Variants in C14orf39 observed in about 807,000 individuals in gnomAD.
C14orf39 encodes chromosome 14 open reading frame 39.
C14orf39 carries 66 observed loss-of-function variants against 85.6 expected under a neutral mutation model. The observed-to-expected ratio is 0.77, with a 90% CI of 0.63 to 0.95. The LOEUF is 0.95. Ranked by LOEUF, C14orf39 falls within the 40% of genes least tolerant of loss-of-function variation. The pLI, the probability that C14orf39 is intolerant of heterozygous loss-of-function variation, is 0.00. For synonymous variants in C14orf39, 242 were observed against 214.0 expected (o/e 1.13, Z -1.14); for missense variants, 735 against 663.9 (o/e 1.11, Z -1.18).
upstream of C14orf39, among the ~76,000 whole-genome samples, chr14:60,488,629 A>C (rs1272762710): frequency 6.6e-6 from 1 of 152,192 alleles, no homozygotes. Context: ...TTCTAATTGC[A>C]CGGTATTCCT....
At chr14:60,495,915 G>C (rs1255602452) in intron 2 of C14orf39, 6 of 432,506 alleles carry the variant, frequency 1.4e-5, no homozygotes, top group African/African-American at 1.2e-4. Flanking sequence ...ACAGAGTCCA[G>C]GGTGTGAGGT....
chr14:60,484,911 T>C lies in C14orf39; in HGVS notation c.76A>G (p.Thr26Ala), dbSNP rs775582474. The change falls in exon 3 of 18, where the codon ACT becomes GCT. Residue 26 changes from threonine to alanine, a missense_variant. By Grantham distance (58) the Thr-to-Ala change is moderately conservative. Transcript: ENST00000321731. The surrounding 1 kb of genome is among the most constrained non-coding windows in gnomAD (Gnocchi z 4.2). ...ATTCTTTGAATCATCTCTTCTTTAG[T>C]ACTTATGTCTTGCTCATACTGGAAG... ...FVFQYEQDIS[T>A]KEEMIQRINK... 1 of 1,569,986 alleles carries C rather than the reference T, an allele frequency of 6.4e-7. No individual in the cohort carries two copies. The highest frequency in any genetic ancestry group is 1.2e-5 in the South Asian group (1 of 85,684).
chr14:60,491,930 A>G lies in C14orf39; in HGVS notation c.-8-6844T>C, dbSNP rs1892995652. The stretch of plus-strand genomic sequence containing the variant: ...TACATTTTATTGGAAAAAATTCAAA[A>G]TTTATTTTTCAACAGACAGCATCAC... On this transcript the variant is annotated intron_variant, in intron 2 of 5. Coordinates refer to the C14orf39 transcript ENST00000556799. This position sits in a 1 kb window ranked among gnomAD's most constrained non-coding sequence, Gnocchi z 4.5. Among the ~76,000 whole-genome samples, 2 of 152,154 alleles carry G rather than the reference A, an allele frequency of 1.3e-5. No homozygotes were observed. The highest frequency in any genetic ancestry group is 6.5e-5 in the Admixed American group (1 of 15,280).
At position 60,484,921 on chromosome 14, in the gene C14orf39, T is replaced by C. The variant is rs1467818768; in HGVS notation, c.66A>G (p.Gln22=). The C allele has an allele frequency of 6.4e-7, 1 of 1,572,426 alleles. No homozygotes were observed. Among genetic ancestry groups the C allele is most frequent in the Non-Finnish European group, 8.7e-7 (1 of 1,156,022 alleles). Residue 22 remains glutamine (Q), a synonymous_variant, in exon 3 of 18, where the codon CAA becomes CAG. Coordinates refer to ENST00000321731, the MANE Select transcript of C14orf39 (RefSeq NM_174978.3). The surrounding 1 kb of genome is among the most constrained non-coding windows in gnomAD (Gnocchi z 4.2). Reference sequence around the variant, plus strand: ...TCATCTCTTCTTTAGTACTTATGTCTTGCTCATACTGGAAGACTAAAATAA... The same window carrying C: ...TCATCTCTTCTTTAGTACTTATGTCCTGCTCATACTGGAAGACTAAAATAA... ...LLLEFVFQYE[Q]DISTKEEMIQ...
intron 11 of C14orf39, among the ~76,000 whole-genome samples, chr14:60,463,109 A>G (rs981998703): frequency 1.3e-5 from 2 of 152,176 alleles, no homozygotes; most frequent in Non-Finnish European, 2.9e-5. Flanking sequence ...ACTAAATGTT[A>G]CCAAGCAAAT....
chr14:60,497,335 C>G (rs762943934), intron 2 of C14orf39, among the ~76,000 whole-genome samples: 4 of 152,018 alleles, frequency 2.6e-5, no homozygotes, highest in African/African-American at 4.8e-5. Flanking sequence ...GTGTAATTAT[C>G]GTATAAATAT....
chr14:60,477,048 A>C (rs185440728), intron 5 of C14orf39, among the ~76,000 whole-genome samples: 1 of 152,262 alleles, frequency 6.6e-6, no homozygotes, highest in East Asian at 1.9e-4. Flanking sequence ...TGCAGCCTTG[A>C]TTTTTAATCT....
At chr14:60,479,802 A>G (rs1892555366) in intron 4 of C14orf39, among the ~76,000 whole-genome samples, 1 of 152,290 alleles carries the variant, frequency 6.6e-6, no homozygotes, top group South Asian at 2.1e-4. Context: ...ATATACACCT[A>G]TATCACAATT....
Position 60,466,069 on chromosome 14 carries a change from T to C in C14orf39, c.896-14A>G. Reference sequence around the variant, plus strand: ...CTTCTTTTATATCTAGATTATTAAATAGTACTACTTTAAATCAATGCTGGA... The same window carrying C: ...CTTCTTTTATATCTAGATTATTAAACAGTACTACTTTAAATCAATGCTGGA... On this transcript the variant is annotated splice_polypyrimidine_tract_variant and intron_variant, in intron 10 of 17. Coordinates refer to ENST00000321731, the MANE Select transcript of C14orf39 (RefSeq NM_174978.3). 2 of 1,305,232 alleles carry C rather than the reference T, an allele frequency of 1.5e-6. No individual in the cohort carries two copies. Among genetic ancestry groups the C allele is most frequent in the Non-Finnish European group, 2.1e-6 (2 of 958,010 alleles). 80.9% of individuals were successfully genotyped at this position (1,305,232 alleles called of 1,614,324 possible). A position where few individuals can be genotyped will look rare whatever the true frequency, so the allele number is the denominator to read the frequency against.
intron 4 of C14orf39, among the ~76,000 whole-genome samples, chr14:60,483,296 C>T (rs1056062448): frequency 6.6e-6 from 1 of 152,082 alleles, no homozygotes; most frequent in African/African-American, 2.4e-5. Context: ...TAGTAGAATC[C>T]AGAACCTGAA....
At chr14:60,473,265 T>C (rs1389489389) in intron 5 of C14orf39, among the ~76,000 whole-genome samples, 2 of 152,232 alleles carry the variant, frequency 1.3e-5, no homozygotes, top group African/African-American at 4.8e-5. Context: ...TGTTTTTTCT[T>C]ATAAATTTGT....
At chr14:60,504,632 T>G (rs1893182553) in intron 1 of C14orf39, among the ~76,000 whole-genome samples, 1 of 152,246 alleles carries the variant, frequency 6.6e-6, no homozygotes, top group Admixed American at 6.5e-5. Flanking sequence ...GCTACATTTT[T>G]TAGCACTAAT....
intron 5 of C14orf39, among the ~76,000 whole-genome samples, chr14:60,475,736 C>G (rs930063886): frequency 6.6e-6 from 1 of 152,004 alleles, no homozygotes; most frequent in East Asian, 1.9e-4. Flanking sequence ...CAACTCTAAT[C>G]GAAAACATTG....
chr14:60,483,900 A>T, intron 3 of C14orf39, 83 bp from the exon 4 acceptor site: 1 of 908,680 alleles, frequency 1.1e-6, no homozygotes, highest in Non-Finnish European at 1.6e-6. Flanking sequence ...TGGGTATGGC[A>T]GCTTACCTAA....
intron 2 of C14orf39, chr14:60,495,430 T>C (rs936569483): frequency 5.8e-6 from 1 of 170,990 alleles, no homozygotes; most frequent in Non-Finnish European, 1.3e-5. Flanking sequence ...ACTGATGAGG[T>C]CCTTGAGCTC....
chr14:60,491,280 C>T lies in C14orf39; in HGVS notation c.-8-6194G>A, dbSNP rs1892984919. ...ACACTCTTTGCTTCCAAAATGGTGT[C>T]TTGTTGCTGTCCTCCGGAGAGGACA... On this transcript the variant is annotated intron_variant, in intron 2 of 5. Transcript: ENST00000556799. This position sits in a 1 kb window ranked among gnomAD's most constrained non-coding sequence, Gnocchi z 4.5. Among the ~76,000 whole-genome samples the T allele has an allele frequency of 6.6e-6, 1 of 152,196 alleles. No individual in the cohort carries two copies. Among genetic ancestry groups the T allele is most frequent in the Non-Finnish European group, 1.5e-5 (1 of 68,042 alleles).
At chr14:60,454,235 A>G (rs1314775479) in intron 16 of C14orf39, among the ~76,000 whole-genome samples, 1 of 151,926 alleles carries the variant, frequency 6.6e-6, no homozygotes, top group Admixed American at 6.6e-5. Context: ...TCCACATAAA[A>G]TTGGCTAAAT....
At position 60,461,391 on chromosome 14, in the gene C14orf39, T is replaced by C; in HGVS notation, c.1080A>G (p.Gln360=). Reference sequence around the variant, plus strand: ...TTTCCGACCACTGATTGGAATTTGATTGTTTCTGTGGGGTTAACAATCTAA... The same window carrying C: ...TTTCCGACCACTGATTGGAATTTGACTGTTTCTGTGGGGTTAACAATCTAA... ...MQVRLLTPQK[Q]SNSNQWSEKG... Residue 360 remains glutamine (Q), a synonymous_variant, in exon 13 of 18, where the codon CAA becomes CAG. Coordinates refer to ENST00000321731, the MANE Select transcript of C14orf39 (RefSeq NM_174978.3). 2.5e-6 allele frequency: 4 copies of C among 1,610,924 alleles called. No homozygotes were observed. Among genetic ancestry groups the C allele is most frequent in the Non-Finnish European group, 3.4e-6 (4 of 1,178,182 alleles).
chr14:60,436,510 T>C lies in C14orf39; in HGVS notation c.*335A>G, dbSNP rs746599917. 2.0e-4 allele frequency: 36 copies of C among 180,494 alleles called. No individual in the cohort carries two copies. The highest frequency in any genetic ancestry group is 3.8e-4 in the Non-Finnish European group (33 of 87,568). The allele number at this position is 180,494 out of a possible 1,614,324, so 11.2% of individuals were successfully genotyped here. A position where few individuals can be genotyped will look rare whatever the true frequency, so the allele number is the denominator to read the frequency against. On this transcript the variant is annotated 3_prime_UTR_variant, in exon 18 of 18. Transcript: ENST00000321731. The stretch of plus-strand genomic sequence containing the variant: ...CTTGTTCTTATCAAAGTACCAACAA[T>C]ACTTCCAGAAAAAAACCTTAGGTTC...
Sources: gnomAD v4.1 joint callset for allele counts (sites outside exome capture counted in the v4.1 genomes callset) on GRCh38, gnomAD v4.1.1 for gene constraint, Gnocchi (gnomAD v3.1) non-coding constraint, MANE v1.5 for transcripts, NCBI Gene and HGNC (gene_info 2026-07-23, HGNC 2026-07-21) for gene names.